LBR: variants seen among roughly 807,000 people sequenced by gnomAD.
The protein encoded by LBR is delta(14)-sterol reductase LBR.
LBR carries 28 observed loss-of-function variants against 74.3 expected under a neutral mutation model. The observed-to-expected ratio is 0.38, with a 90% CI of 0.28 to 0.52. LBR has a LOEUF of 0.52. Among genes scored for constraint, LBR ranks in the 20% least tolerant of loss-of-function variants. LBR has a pLI of 0.89. For synonymous variants in LBR, 228 were observed against 269.3 expected (o/e 0.85, Z 1.50); for missense variants, 717 against 760.3 (o/e 0.94, Z 0.67).
intron 3 of LBR, 80 bp downstream of exon 3, chr1:225,421,997 T>C (rs2096128208): frequency 1.5e-6 from 2 of 1,327,344 alleles, no homozygotes; most frequent in South Asian, 2.4e-5. Context: ...GACATTTTAA[T>C]ATTATTAACT....
intron 3 of LBR, among the ~76,000 whole-genome samples, chr1:225,420,617 T>G (rs551971007): frequency 6.6e-6 from 1 of 152,234 alleles, no homozygotes; most frequent in African/African-American, 2.4e-5. Context: ...TGTAAAAATA[T>G]AGCAGTCACT....
At chr1:225,424,291 T>G (rs2096134908) in intron 1 of LBR, among the ~76,000 whole-genome samples, 2 of 152,214 alleles carry the variant, frequency 1.3e-5, no homozygotes, top group African/African-American at 4.8e-5. Flanking sequence ...CACTAAAGAT[T>G]AATTATAACA....
intron 7 of LBR, chr1:225,414,263 T>TTAGA (rs1460746177): frequency 1.2e-5 from 5 of 405,716 alleles, no homozygotes; most frequent in South Asian, 9.0e-5. Context: ...ATCTTTGGCT[T>TTAGA]CCCCTTTAGA....
At chr1:225,414,361 TAA>T (rs1267508832) in intron 7 of LBR, 1 of 339,976 alleles carries the variant, frequency 2.9e-6, no homozygotes, top group African/African-American at 2.2e-5. Flanking sequence ...ATTGAAAGGA[TAA>T]AAAGTTCAAC....
In LBR at chr1:225,412,480, C is replaced by T. The variant is rs368253687; in HGVS notation, c.1058G>A (p.Arg353Gln). 12 of 1,613,910 alleles carry T rather than the reference C, an allele frequency of 7.4e-6. No homozygotes were observed. The highest frequency in any genetic ancestry group is 4.0e-5 in the African/African-American group (3 of 74,856). Residue 353 changes from arginine to glutamine, a missense_variant, in exon 8 of 14, where the codon CGG (arginine) becomes CAG (glutamine). Coordinates refer to ENST00000272163, the MANE Select transcript of LBR (RefSeq NM_002296.4). ...AGAGCTGGCAGGCGACAGGTCATTC[C>T]GGGGCGCTTTCAAAGAGCGCATGTA... The part of the protein sequence containing the change: ...YLYMRSLKAP[R>Q]NDLSPASSGN...
intron 8 of LBR, 137 bp from the exon 9 acceptor site, chr1:225,411,577 C>T: frequency 4.1e-6 from 3 of 730,570 alleles, no homozygotes; most frequent in East Asian, 2.7e-5. Flanking sequence ...TGGTGAGAGG[C>T]AGACAGGACG....
chr1:225,419,358 G>C lies in LBR; in HGVS notation c.545C>G (p.Ser182Cys), dbSNP rs370431555. Residue 182 changes from serine (S) to cysteine (C), a missense_variant, in exon 5 of 14, where the codon TCT becomes TGT. By Grantham distance (112) the Ser-to-Cys change is moderately radical. Coordinates refer to ENST00000272163, the MANE Select transcript of LBR (RefSeq NM_002296.4). Reference protein sequence around the residue: ...REEVKLKEIDSKEEKYVAKEL... With the variant: ...REEVKLKEIDCKEEKYVAKEL... ...TTTTGCAACGTATTTTTCTTCCTTA[G>C]AATCTATTTCTTTTAATTTGACTTC... The C allele has an allele frequency of 1.9e-6, 3 of 1,613,972 alleles. No individual in the cohort carries two copies. The highest frequency in any genetic ancestry group is 1.3e-5 in the African/African-American group (1 of 74,918).
chr1:225,416,188 C>T (rs1359917925), intron 6 of LBR, among the ~76,000 whole-genome samples: 1 of 149,788 alleles, frequency 6.7e-6, no homozygotes, highest in African/African-American at 2.5e-5. Context: ...CAGAGCAAGA[C>T]CCTGTCTCAA....
Position 225,422,222 on chromosome 1 carries a change from C to G in LBR, c.221G>C (p.Arg74Thr), listed in dbSNP as rs978293896. The G allele has an allele frequency of 6.2e-7, 1 of 1,613,752 alleles. No individual in the cohort carries two copies. The highest frequency in any genetic ancestry group is 8.5e-7 in the Non-Finnish European group (1 of 1,180,012). The stretch of plus-strand genomic sequence containing the variant: ...TGACCTTGATCGACTCCCTCGGCGT[C>G]TGGAAGGGGAACTGGAAGTTGAGCC... ...KGGSTSSSPS[R>T]RRGSRSRSRS... The change falls in exon 3 of 14, where the codon AGA becomes ACA. Residue 74 changes from arginine to threonine, a missense_variant. Arg to Thr is a moderately conservative substitution (Grantham distance 71). Coordinates refer to ENST00000272163, the MANE Select transcript of LBR (RefSeq NM_002296.4).
At chr1:225,426,856 A>G (rs2096140182) in intron 1 of LBR, among the ~76,000 whole-genome samples, 1 of 152,174 alleles carries the variant, frequency 6.6e-6, no homozygotes, top group Admixed American at 6.5e-5. Context: ...TGGGCAGCTC[A>G]TCATTCCCCT....
intron 9 of LBR, among the ~76,000 whole-genome samples, chr1:225,410,694 A>G (rs1243881222): frequency 6.6e-6 from 1 of 152,232 alleles, no homozygotes; most frequent in Non-Finnish European, 1.5e-5. Flanking sequence ...TTACAAAATA[A>G]CCAACCAGTA....
intron 3 of LBR, among the ~76,000 whole-genome samples, 168 bp downstream of exon 3, chr1:225,421,909 T>C (rs550897064): frequency 6.6e-6 from 1 of 152,370 alleles, no homozygotes; most frequent in South Asian, 2.1e-4. Context: ...TTTCCATTGA[T>C]ATTTAAAACT....
chr1:225,403,474 T>C lies in LBR; in HGVS notation c.1688-11A>G. ...GAATGTGGTTAAAACCTGTGGATAA[T>C]AATAGTACACAGTATTAGATATTTT... On this transcript the variant is annotated splice_polypyrimidine_tract_variant and intron_variant, in intron 13 of 13. Coordinates refer to ENST00000272163, the MANE Select transcript of LBR (RefSeq NM_002296.4). 6.3e-7 allele frequency: 1 copy of C among 1,581,188 alleles called. No individual in the cohort carries two copies. The highest frequency in any genetic ancestry group is 1.3e-5 in the African/African-American group (1 of 74,276).
intron 6 of LBR, among the ~76,000 whole-genome samples, chr1:225,416,636 T>C (rs773889584): frequency 2.6e-5 from 4 of 152,218 alleles, no homozygotes; most frequent in African/African-American, 9.6e-5. Flanking sequence ...AATCTGTGAA[T>C]ATATAGATCC....
At position 225,402,226 on chromosome 1, in the gene LBR, C is replaced by A. The variant is rs1008501551; in HGVS notation, c.*1077G>T. ...AAATATAAAGGATACATAAAAAATA[C>A]AGTATAAACTGCATAAGCTTAACAG... On this transcript the variant is annotated 3_prime_UTR_variant, in exon 14 of 14. Transcript: ENST00000272163. 6.6e-6 allele frequency: 1 copy of A among 152,124 alleles called. No homozygotes were observed. The allele number at this position is 152,124 out of a possible 1,614,324, so 9.4% of individuals were successfully genotyped here.
intron 11 of LBR, among the ~76,000 whole-genome samples, chr1:225,405,710 C>T (rs1184229496): frequency 6.6e-6 from 1 of 152,204 alleles, no homozygotes; most frequent in Non-Finnish European, 1.5e-5. Flanking sequence ...ATTACCTAGT[C>T]TCAGCTATTC....
In LBR at chr1:225,412,440, T is replaced by A; in HGVS notation, c.1084+14A>T. 6.2e-7 allele frequency: 1 copy of A among 1,613,440 alleles called. No individual in the cohort carries two copies. The highest frequency in any genetic ancestry group is 2.2e-5 in the East Asian group (1 of 44,884). ...GGGACGCATTCATCCAACATGCAAT[T>A]CATCACTGCTCACCAGAGCTGGCAG... On this transcript the variant is annotated intron_variant, in intron 8 of 13. Transcript: ENST00000272163.
At chr1:225,426,568 A>T (rs775117255) in intron 1 of LBR, among the ~76,000 whole-genome samples, 6 of 152,224 alleles carry the variant, frequency 3.9e-5, no homozygotes, top group Non-Finnish European at 7.4e-5. Context: ...CCGGTATGTT[A>T]CTGTTTGTGA....
Position 225,410,272 on chromosome 1 carries a change from G to T in LBR, c.1314+19C>A, listed in dbSNP as rs113160233. The T allele has an allele frequency of 5.6e-6, 9 of 1,613,428 alleles. No homozygotes were observed. The African/African-American group carries it at 1.1e-4, about 19-fold the overall frequency. Reference sequence around the variant, plus strand: ...CAAAGCCATCTGACTCCAAGGCCTCGGCTCTTAAAATTAATTACCTCATTC... The same window carrying T: ...CAAAGCCATCTGACTCCAAGGCCTCTGCTCTTAAAATTAATTACCTCATTC... On this transcript the variant is annotated intron_variant, in intron 10 of 13. Coordinates refer to ENST00000272163, the MANE Select transcript of LBR (RefSeq NM_002296.4).
Sources: allele counts gnomAD v4.1 joint callset (sites outside exome capture counted in the v4.1 genomes callset), GRCh38; gene constraint gnomAD v4.1.1; transcripts MANE v1.5; gene names NCBI Gene and HGNC (gene_info 2026-07-23, HGNC 2026-07-21).